Variants in SLC22A23 observed in about 807,000 individuals in gnomAD.
The protein encoded by SLC22A23 is solute carrier family 22 member 23.
SLC22A23 carries 26 observed loss-of-function variants against 61.0 expected under a neutral mutation model. That is an observed-to-expected ratio of 0.43 (90% CI 0.31 to 0.59). SLC22A23 has a LOEUF of 0.59. Among genes scored for constraint, SLC22A23 ranks in the 20% least tolerant of loss-of-function variants. The pLI, the probability that SLC22A23 is intolerant of heterozygous loss-of-function variation, is 0.11. For synonymous variants in SLC22A23, 430 were observed against 413.9 expected (o/e 1.04, Z -0.47); for missense variants, 796 against 934.7 (o/e 0.85, Z 1.94).
chr6:3,404,957 TA>T (rs34672318), intron 3 of SLC22A23, among the ~76,000 whole-genome samples: 231 of 144,348 alleles, frequency 1.6e-3, no homozygotes, highest in Middle Eastern at 7.1e-3. Flanking sequence ...CTTTGAAGCT[TA>T]AAAAAAAAAA....
chr6:3,324,617 A>T lies in SLC22A23; in HGVS notation c.914-615T>A, dbSNP rs1174174976. On this transcript the variant is annotated intron_variant, in intron 3 of 9. Transcript: ENST00000406686. The surrounding 1 kb of genome is among the most constrained non-coding windows in gnomAD (Gnocchi z 4.3). ...CTATTAAACAAGACAAAAACCAACA[A>T]TAAGGCTGACTCAGATCATATAGCA... Among the ~76,000 whole-genome samples, 6 of 152,120 alleles carry T rather than the reference A, an allele frequency of 3.9e-5. No homozygotes were observed. Among genetic ancestry groups the T allele is most frequent in the Non-Finnish European group, 7.4e-5 (5 of 68,018 alleles).
Position 3,273,303 on chromosome 6 carries a change from C to A in SLC22A23, c.1813G>T (p.Ala605Ser). 6.2e-7 allele frequency: 1 copy of A among 1,614,048 alleles called. No individual in the cohort carries two copies. Among genetic ancestry groups the A allele is most frequent in the African/African-American group, 1.3e-5 (1 of 75,062 alleles). ...ATGATGCAGATGAGCGTGCAGCAGG[C>A]AAAGATGATGTGGTGCAGGAAGTAG... ...KGYFLHHIIF[A>S]CCTLICIICI... The change falls in exon 10 of 10, where the codon GCC becomes TCC. Residue 605 changes from alanine to serine, a missense_variant. Ala to Ser is a moderately conservative substitution (Grantham distance 99). Coordinates refer to ENST00000406686, the MANE Select transcript of SLC22A23 (RefSeq NM_015482.2).
At chr6:3,406,525 CCT>C (rs1768840010) in intron 3 of SLC22A23, among the ~76,000 whole-genome samples, 1 of 87,518 alleles carries the variant, frequency 1.1e-5, no homozygotes, top group Admixed American at 1.0e-4. Context: ...TTTTCGACTG[CCT>C]GTGTGTGTGT....
rs1188980068 is a variant in SLC22A23, at chr6:3,414,715, A to G, written c.758+1037T>C. 1.0e-5 allele frequency among the ~76,000 whole-genome samples: 1 copy of G among 95,636 alleles called. No homozygotes were observed. Among genetic ancestry groups the G allele is most frequent in the Non-Finnish European group, 2.1e-5 (1 of 48,190 alleles). 62.7% of individuals were successfully genotyped at this position (95,636 alleles called of 152,430 possible). A position where few individuals can be genotyped will look rare whatever the true frequency, so the allele number is the denominator to read the frequency against. On this transcript the variant is annotated intron_variant, in intron 2 of 9. Coordinates refer to ENST00000406686, the MANE Select transcript of SLC22A23 (RefSeq NM_015482.2). The surrounding 1 kb of genome is among the most constrained non-coding windows in gnomAD (Gnocchi z 5.1). ...ATTTCCTCAAGGCCAAGATGTCTCGATTCACCAAAAAAAAAAAAAAAAAAA... is the reference window on the plus strand; with the variant it reads ...ATTTCCTCAAGGCCAAGATGTCTCGGTTCACCAAAAAAAAAAAAAAAAAAA...
intron 3 of SLC22A23, among the ~76,000 whole-genome samples, chr6:3,326,574 T>C (rs13201357): frequency 0.017 from 2,658 of 152,292 alleles, 69 homozygotes; most frequent in African/African-American, 0.058. Context: ...ACTCCTTCTG[T>C]TTTTGCTAGG....
Position 3,327,561 on chromosome 6 carries a change from A to C in SLC22A23, c.914-3559T>G, listed in dbSNP as rs1289358633. Among the ~76,000 whole-genome samples, 1 of 152,216 alleles carries C rather than the reference A, an allele frequency of 6.6e-6. No individual in the cohort carries two copies. Among genetic ancestry groups the C allele is most frequent in the Admixed American group, 6.5e-5 (1 of 15,286 alleles). On this transcript the variant is annotated intron_variant, in intron 3 of 9. Coordinates refer to ENST00000406686, the MANE Select transcript of SLC22A23 (RefSeq NM_015482.2). This position sits in a 1 kb window ranked among gnomAD's most constrained non-coding sequence, Gnocchi z 4.1. ...CTGGACTCCGTAGCTAGAGTGCCCAAGTTCAAATCCTGCTCCTGGTACATA... is the reference window on the plus strand; with the variant it reads ...CTGGACTCCGTAGCTAGAGTGCCCACGTTCAAATCCTGCTCCTGGTACATA...
chr6:3,321,755 C>T (rs1358694360), intron 4 of SLC22A23, among the ~76,000 whole-genome samples: 1 of 152,100 alleles, frequency 6.6e-6, no homozygotes, highest in Non-Finnish European at 1.5e-5. Flanking sequence ...CCTCTCTTCT[C>T]AGGAGTATGG....
intron 3 of SLC22A23, among the ~76,000 whole-genome samples, chr6:3,377,148 T>A (rs1477337547): frequency 6.6e-6 from 1 of 152,230 alleles, no homozygotes; most frequent in African/African-American, 2.4e-5. Flanking sequence ...TTTGTTTACA[T>A]ATCATCTGTG....
rs772116539 is a variant in SLC22A23 at position 3,273,354 on chromosome 6, T to C, written c.1762A>G (p.Ile588Val). The C allele has an allele frequency of 2.5e-6, 4 of 1,613,660 alleles. No homozygotes were observed. Among genetic ancestry groups the C allele is most frequent in the Non-Finnish European group, 3.4e-6 (4 of 1,179,968 alleles). Residue 588 changes from isoleucine (I) to valine (V), a missense_variant, in exon 10 of 10, where the codon ATC (isoleucine) becomes GTC (valine). Physicochemically the swap from Ile to Val is conservative, Grantham distance 29 (BLOSUM62 3). Coordinates refer to ENST00000406686, the MANE Select transcript of SLC22A23 (RefSeq NM_015482.2). ...CCTTTCTGGTTGTGCAGCTCGATGA[T>C]GGGTGCCGTCAGCATGCCGAAGCCC... ...SAGFGMLTAP[I>V]IELHNQKGYF...
At chr6:3,302,261 T>G (rs749899313) in intron 4 of SLC22A23, among the ~76,000 whole-genome samples, 1 of 152,318 alleles carries the variant, frequency 6.6e-6, no homozygotes, top group Non-Finnish European at 1.5e-5. Flanking sequence ...TCTTTGTATT[T>G]CTGTGGCATC....
chr6:3,435,291 T>TC (rs1771132050), intron 1 of SLC22A23, among the ~76,000 whole-genome samples: 1 of 151,036 alleles, frequency 6.6e-6, no homozygotes, highest in Non-Finnish European at 1.5e-5. Context: ...TCCCCTCCCT[T>TC]CCCTCTCCCT....
At chr6:3,420,212 T>C (rs978207750) in intron 1 of SLC22A23, among the ~76,000 whole-genome samples, 30 of 148,702 alleles carry the variant, frequency 2.0e-4, no homozygotes, top group Non-Finnish European at 3.6e-4. Flanking sequence ...CGTTAGTTGC[T>C]ATGTGTTCTA....
chr6:3,416,460 A>G (rs1465873584), intron 1 of SLC22A23, among the ~76,000 whole-genome samples: 2 of 152,280 alleles, frequency 1.3e-5, no homozygotes, highest in African/African-American at 2.4e-5. Flanking sequence ...CTCTAAAGCC[A>G]TCTGCTCTCC....
chr6:3,358,678 T>C (rs1005162571), intron 3 of SLC22A23, among the ~76,000 whole-genome samples: 3 of 152,198 alleles, frequency 2.0e-5, no homozygotes, highest in African/African-American at 7.2e-5. Flanking sequence ...TTCACGATAC[T>C]GTGCTGTACA....
chr6:3,310,404 CCACT>C (rs1293819607), intron 4 of SLC22A23, among the ~76,000 whole-genome samples: 60 of 125,906 alleles, frequency 4.8e-4, no homozygotes, highest in Admixed American at 1.2e-3. Flanking sequence ...ACCCTGTCTC[CCACT>C]CAAGCACCCT....
In SLC22A23 at chr6:3,387,243, T is replaced by G. The variant is rs548640834; in HGVS notation, c.913+22945A>C. On this transcript the variant is annotated intron_variant, in intron 3 of 9. Coordinates refer to ENST00000406686, the MANE Select transcript of SLC22A23 (RefSeq NM_015482.2). This position sits in a 1 kb window ranked among gnomAD's most constrained non-coding sequence, Gnocchi z 5.0. ...CAGACCCCATCTCAACTGAGGAAGGTTAGCGTGACCAGTGACAGCTCACGC... is the reference window on the plus strand; with the variant it reads ...CAGACCCCATCTCAACTGAGGAAGGGTAGCGTGACCAGTGACAGCTCACGC... Among the ~76,000 whole-genome samples the G allele has an allele frequency of 6.6e-6, 1 of 152,314 alleles. No homozygotes were observed. The highest frequency in any genetic ancestry group is 6.5e-5 in the Admixed American group (1 of 15,306).
chr6:3,324,318 T>G lies in SLC22A23; in HGVS notation c.914-316A>C. ...GGGACAGATCGCCCATTGTTCCTGC[T>G]TCCTCTGCTCTCCAGACGTCACTGA... On this transcript the variant is annotated intron_variant, in intron 3 of 9. Coordinates refer to ENST00000406686, the MANE Select transcript of SLC22A23 (RefSeq NM_015482.2). This position sits in a 1 kb window ranked among gnomAD's most constrained non-coding sequence, Gnocchi z 4.3. The G allele has an allele frequency of 3.1e-6, 1 of 318,890 alleles. No homozygotes were observed. 19.8% of individuals were successfully genotyped at this position (318,890 alleles called of 1,614,324 possible).
intron 3 of SLC22A23, among the ~76,000 whole-genome samples, chr6:3,346,480 C>G (rs983514227): frequency 1.3e-5 from 2 of 152,218 alleles, no homozygotes; most frequent in African/African-American, 2.4e-5. Flanking sequence ...CTCTTAGTGA[C>G]TGTGCACCCC....
intron 3 of SLC22A23, among the ~76,000 whole-genome samples, chr6:3,384,979 G>A (rs1311346066): frequency 6.6e-6 from 1 of 152,210 alleles, no homozygotes; most frequent in Admixed American, 6.5e-5. Flanking sequence ...GAATAAGCCA[G>A]TCACAGAAAA....
Sources: gnomAD v4.1 joint callset for allele counts (sites outside exome capture counted in the v4.1 genomes callset) on GRCh38, gnomAD v4.1.1 for gene constraint, Gnocchi (gnomAD v3.1) non-coding constraint, MANE v1.5 for transcripts, NCBI Gene and HGNC (gene_info 2026-07-23, HGNC 2026-07-21) for gene names.